Variants in ACVR1 observed in about 807,000 individuals in gnomAD.
The protein encoded by ACVR1 is activin receptor type-1.
ACVR1 carries 38 observed loss-of-function variants against 57.1 expected under a neutral mutation model. The ratio of observed to expected loss-of-function variants is 0.67; its 90% CI spans 0.51 to 0.87. The LOEUF is 0.87. ACVR1 is among the 40% of genes least tolerant of loss of function. ACVR1 has a pLI of 0.00. For missense variants in ACVR1, 463 were observed against 638.2 expected (o/e 0.73, Z 2.96); for synonymous variants, 212 against 228.1 (o/e 0.93, Z 0.63).
chr2:157,865,099 G>A (rs1212276903), intron 1 of ACVR1, among the ~76,000 whole-genome samples: 12 of 113,864 alleles, frequency 1.1e-4, no homozygotes, highest in African/African-American at 2.6e-4. Flanking sequence ...ACTTACACAG[G>A]AAAAAAAAAA....
intron 2 of ACVR1, among the ~76,000 whole-genome samples, chr2:157,803,637 A>T (rs1687407390): frequency 1.3e-5 from 2 of 152,200 alleles, no homozygotes; most frequent in Non-Finnish European, 2.9e-5. Context: ...CCTGCTCTCA[A>T]ATATTTTTGG....
intron 3 of ACVR1, among the ~76,000 whole-genome samples, chr2:157,781,555 G>A (rs1292647486): frequency 6.6e-6 from 1 of 152,212 alleles, no homozygotes; most frequent in Non-Finnish European, 1.5e-5. Context: ...TATGGAGAAT[G>A]AGGGCACAAG....
chr2:157,862,273 T>C (rs1574160249), intron 1 of ACVR1, among the ~76,000 whole-genome samples: 1 of 152,200 alleles, frequency 6.6e-6, no homozygotes, highest in Non-Finnish European at 1.5e-5. Context: ...ACATAATTTA[T>C]ATGAAAGGAA....
At chr2:157,820,120 A>C (rs1688112010) in intron 1 of ACVR1, among the ~76,000 whole-genome samples, 1 of 152,262 alleles carries the variant, frequency 6.6e-6, no homozygotes. Context: ...ATTGAGGCTC[A>C]CAATCTATTT....
intron 1 of ACVR1, among the ~76,000 whole-genome samples, chr2:157,863,217 T>C (rs114097952): frequency 0.017 from 2,632 of 150,672 alleles, 35 homozygotes; most frequent in Non-Finnish European, 0.026. Flanking sequence ...TTCACCATGA[T>C]GGCCAGGTTG....
At chr2:157,854,522 A>G (rs1021357453) in intron 1 of ACVR1, among the ~76,000 whole-genome samples, 2 of 151,984 alleles carry the variant, frequency 1.3e-5, no homozygotes, top group African/African-American at 4.8e-5. Context: ...GGAGATCAAG[A>G]TCATCCTGGC....
At chr2:157,791,768 C>A (rs905710928) in intron 3 of ACVR1, among the ~76,000 whole-genome samples, 2 of 152,180 alleles carry the variant, frequency 1.3e-5, no homozygotes, top group African/African-American at 4.8e-5. Context: ...AGAACACATT[C>A]TTTGACTCTG....
chr2:157,796,191 C>CA (rs1687110828), intron 3 of ACVR1, among the ~76,000 whole-genome samples: 1 of 144,104 alleles, frequency 6.9e-6, no homozygotes, highest in Non-Finnish European at 1.5e-5. Flanking sequence ...CACTGCACTC[C>CA]AGCCCTGGTG....
intron 1 of ACVR1, among the ~76,000 whole-genome samples, chr2:157,831,857 T>C (rs1190554875): frequency 6.6e-6 from 1 of 152,236 alleles, no homozygotes; most frequent in African/African-American, 2.4e-5. Flanking sequence ...TAGATAGTGG[T>C]GTCAGTTGAA....
chr2:157,816,415 C>A (rs2105326676), intron 2 of ACVR1, among the ~76,000 whole-genome samples: 1 of 147,342 alleles, frequency 6.8e-6, no homozygotes, highest in Non-Finnish European at 1.5e-5. Flanking sequence ...GAGACTCTGT[C>A]TCCAAAAAAA....
intron 8 of ACVR1, among the ~76,000 whole-genome samples, chr2:157,762,253 G>A (rs527758130): frequency 6.6e-6 from 1 of 152,308 alleles, no homozygotes; most frequent in African/African-American, 2.4e-5. Context: ...AGTATTTTGA[G>A]AGAGATACCA....
chr2:157,755,170 A>G (rs1685374955), intron 9 of ACVR1, among the ~76,000 whole-genome samples: 1 of 152,158 alleles, frequency 6.6e-6, no homozygotes, highest in South Asian at 2.1e-4. Flanking sequence ...ACAGGGAAAA[A>G]GTTGAAAGCA....
At chr2:157,742,682 G>A (rs1684820397) in intron 9 of ACVR1, among the ~76,000 whole-genome samples, 1 of 151,994 alleles carries the variant, frequency 6.6e-6, no homozygotes. Flanking sequence ...TACCTTTAAA[G>A]CACACACCAC....
rs934050160 is a variant in ACVR1 at position 157,755,062 on chromosome 2, C to T, written c.1264+5818G>A. ...AAGCATTTGATAAAATCCAGCATCC[C>T]TTTATGATTAAAACCCTTAGCAAAA... On this transcript the variant is annotated intron_variant, in intron 9 of 10. Transcript: ENST00000434821. 3.9e-5 allele frequency among the ~76,000 whole-genome samples: 6 copies of T among 152,086 alleles called. No individual in the cohort carries two copies. The East Asian group carries it at 7.7e-4, about 20-fold the overall frequency.
At chr2:157,848,336 G>C (rs1390363785) in intron 1 of ACVR1, among the ~76,000 whole-genome samples, 1 of 152,156 alleles carries the variant, frequency 6.6e-6, no homozygotes, top group Non-Finnish European at 1.5e-5. Flanking sequence ...TTGGAACCCA[G>C]CCGCCATGCT....
chr2:157,791,607 TC>T (rs774443564), intron 3 of ACVR1, among the ~76,000 whole-genome samples: 3 of 152,176 alleles, frequency 2.0e-5, no homozygotes, highest in Non-Finnish European at 4.4e-5. Context: ...CGTTATTGTT[TC>T]CATCGTACCA....
At chr2:157,862,422 T>TACACACAC (rs68077740) in intron 1 of ACVR1, among the ~76,000 whole-genome samples, 5,586 of 143,684 alleles carry the variant, frequency 0.039, 272 homozygotes, top group East Asian at 0.25. Context: ...CATATACACA[T>TACACACAC]ACACACACAC....
intron 1 of ACVR1, among the ~76,000 whole-genome samples, chr2:157,857,053 G>C (rs1180968211): frequency 1.3e-5 from 2 of 152,080 alleles, no homozygotes; most frequent in Non-Finnish European, 2.9e-5. Context: ...ACAAAAATTA[G>C]CCAGGTGTGG....
intron 1 of ACVR1, among the ~76,000 whole-genome samples, chr2:157,859,088 G>C (rs992511214): frequency 3.9e-5 from 6 of 152,178 alleles, no homozygotes; most frequent in African/African-American, 9.7e-5. Context: ...AGTAAAATAA[G>C]GCTGAGACCT....
Sources: gnomAD v4.1 joint callset for allele counts (sites outside exome capture counted in the v4.1 genomes callset) on GRCh38, gnomAD v4.1.1 for gene constraint, MANE v1.5 for transcripts, NCBI Gene and HGNC (gene_info 2026-07-23, HGNC 2026-07-21) for gene names.